The following MAPRE3 variants were observed in gnomAD, a reference collection of about 807,000 sequenced individuals.
MAPRE3 encodes microtubule associated protein RP/EB family member 3, also known as microtubule-associated protein RP/EB family member 3.
A neutral mutation model predicts 30.5 loss-of-function variants in MAPRE3; 2 were observed. The ratio of observed to expected loss-of-function variants is 0.07; its 90% confidence interval spans 0.03 to 0.21. The LOEUF is 0.21. Ranked by LOEUF, MAPRE3 falls within the 10% of genes least tolerant of loss-of-function variation. MAPRE3 has a pLI of 1.00. For synonymous variants in MAPRE3, 110 were observed against 127.7 expected (o/e 0.86, Z 0.93); for missense variants, 204 against 351.8 (o/e 0.58, Z 3.36).
Position 27,026,476 on chromosome 2 carries a change from C to A in MAPRE3, c.*128C>A. Reference sequence around the variant, plus strand: ...GTGTCAGTGCTGCAGCACTGGGGAGCCAGGCGAGGGGGGCTTGGGGGCATG... The same window carrying A: ...GTGTCAGTGCTGCAGCACTGGGGAGACAGGCGAGGGGGGCTTGGGGGCATG... On this transcript the variant is annotated 3_prime_UTR_variant, in exon 7 of 7. Coordinates refer to ENST00000233121, the MANE Select transcript of MAPRE3 (RefSeq NM_012326.4). The A allele has an allele frequency of 3.8e-6, 3 of 787,956 alleles. No individual in the cohort carries two copies. Among genetic ancestry groups the A allele is most frequent in the South Asian group, 3.7e-5 (2 of 53,490 alleles). 48.8% of individuals were successfully genotyped at this position (787,956 alleles called of 1,614,324 possible).
At chr2:27,018,392 G>C (rs984927273) in intron 1 of MAPRE3, among the ~76,000 whole-genome samples, 5 of 152,118 alleles carry the variant, frequency 3.3e-5, no homozygotes, top group African/African-American at 9.7e-5. Flanking sequence ...ACCCTCCCTG[G>C]GGACCTGGCA....
chr2:27,010,922 G>A (rs144011497), intron 1 of MAPRE3, among the ~76,000 whole-genome samples: 30 of 152,228 alleles, frequency 2.0e-4, no homozygotes, highest in East Asian at 3.9e-4. Context: ...ACAATCATCT[G>A]CAGGTCTAGC....
chr2:27,022,804 A>C (rs1352808924), intron 2 of MAPRE3: 1 of 166,600 alleles, frequency 6.0e-6, no homozygotes, highest in African/African-American at 2.4e-5. Flanking sequence ...TAAGGAGGAG[A>C]GCTGGAGGCC....
chr2:26,999,911 A>G (rs556092160), intron 1 of MAPRE3, among the ~76,000 whole-genome samples: 1 of 152,222 alleles, frequency 6.6e-6, no homozygotes, highest in Non-Finnish European at 1.5e-5. Context: ...TAGTTCTAAT[A>G]TTTTACCATA....
At chr2:27,023,735 C>T in intron 3 of MAPRE3, 3 of 526,776 alleles carry the variant, frequency 5.7e-6, no homozygotes, top group Non-Finnish European at 1.0e-5. Flanking sequence ...GAGCTCTGTG[C>T]ACCGCTCCTG....
intron 1 of MAPRE3, among the ~76,000 whole-genome samples, chr2:26,978,462 A>G (rs1400328974): frequency 6.7e-6 from 1 of 150,190 alleles, no homozygotes; most frequent in Non-Finnish European, 1.5e-5. Flanking sequence ...CCTGAAGGTT[A>G]TTGACACTTA....
At chr2:27,003,648 A>G (rs1392229026) in intron 1 of MAPRE3, among the ~76,000 whole-genome samples, 1 of 152,202 alleles carries the variant, frequency 6.6e-6, no homozygotes, top group Non-Finnish European at 1.5e-5. Flanking sequence ...CTGACCAGTC[A>G]CTACTGTCAA....
In MAPRE3 at chr2:27,026,740, T is replaced by G; in HGVS notation, c.*392T>G. The G allele has an allele frequency of 5.8e-6, 1 of 173,618 alleles. No homozygotes were observed. 10.8% of individuals were successfully genotyped at this position (173,618 alleles called of 1,614,324 possible). ...ATTCTCCTTGCACTTTACCTGTTCT[T>G]TTCCAGAGCTGACAGCACGGGCTCC... On this transcript the variant is annotated 3_prime_UTR_variant, in exon 7 of 7. Coordinates refer to ENST00000233121, the MANE Select transcript of MAPRE3 (RefSeq NM_012326.4).
rs1229042712 is a variant in MAPRE3, at chr2:27,026,759, G to A, written c.*411G>A. 5 of 164,370 alleles carry A rather than the reference G, an allele frequency of 3.0e-5. No individual in the cohort carries two copies. Among genetic ancestry groups the A allele is most frequent in the Admixed American group, 6.4e-5 (1 of 15,538 alleles). The allele number at this position is 164,370 out of a possible 1,614,324, so 10.2% of individuals were successfully genotyped here. On this transcript the variant is annotated 3_prime_UTR_variant, in exon 7 of 7. Transcript: ENST00000233121. ...TGTTCTTTTCCAGAGCTGACAGCACGGGCTCCGGCGCAGTGTGCCTGGCTT... is the reference window on the plus strand; with the variant it reads ...TGTTCTTTTCCAGAGCTGACAGCACAGGCTCCGGCGCAGTGTGCCTGGCTT...
chr2:27,011,069 C>T (rs1266490469), intron 1 of MAPRE3, among the ~76,000 whole-genome samples: 1 of 152,186 alleles, frequency 6.6e-6, no homozygotes, highest in Non-Finnish European at 1.5e-5. Context: ...AGTGGGCCCT[C>T]CCTTGGCTCC....
At chr2:26,992,885 T>C (rs796641364) in intron 1 of MAPRE3, among the ~76,000 whole-genome samples, 16 of 152,340 alleles carry the variant, frequency 1.1e-4, no homozygotes, top group African/African-American at 3.8e-4. Flanking sequence ...GTATAATGTG[T>C]TGCTTCTCTC....
chr2:26,998,631 C>T (rs1666518575), intron 1 of MAPRE3, among the ~76,000 whole-genome samples: 1 of 152,162 alleles, frequency 6.6e-6, no homozygotes, highest in Admixed American at 6.5e-5. Flanking sequence ...AATCCCAGCC[C>T]TGGGGAAGCT....
At chr2:26,999,118 G>A (rs1363793052) in intron 1 of MAPRE3, among the ~76,000 whole-genome samples, 2 of 152,172 alleles carry the variant, frequency 1.3e-5, no homozygotes, top group Admixed American at 1.3e-4. Flanking sequence ...GGGGCTTGGG[G>A]TTGGAGACAT....
Position 27,024,244 on chromosome 2 carries a change from C to T in MAPRE3, c.416C>T (p.Pro139Leu). The change falls in exon 4 of 7, where the codon CCT becomes CTT. Residue 139 changes from proline (P) to leucine (L), a missense_variant. Physicochemically the swap from Pro to Leu is moderately conservative, Grantham distance 98. This residue lies in a region of MAPRE3 where 101 missense variants were observed against 205.4 expected (regional missense o/e 0.49). Coordinates refer to ENST00000233121, the MANE Select transcript of MAPRE3 (RefSeq NM_012326.4). ...CAGGGCCAGGACGTAGCGCCACCTC[C>T]TAACCCAGGTGATCAGATCTTCAAC... The part of the protein sequence containing the change: ...ARQGQDVAPP[P>L]NPGDQIFNKS... 6.2e-7 allele frequency: 1 copy of T among 1,614,212 alleles called. No individual in the cohort carries two copies. Among genetic ancestry groups the T allele is most frequent in the Non-Finnish European group, 8.5e-7 (1 of 1,180,006 alleles).
chr2:26,982,878 T>C (rs1174732421), intron 1 of MAPRE3, among the ~76,000 whole-genome samples: 1 of 152,184 alleles, frequency 6.6e-6, no homozygotes, highest in East Asian at 1.9e-4. Context: ...AGTGAGTATA[T>C]AGTGACCATA....
chr2:27,026,188 C>T (rs1359785879), intron 6 of MAPRE3, 92 bp from the exon 7 acceptor site: 1 of 1,401,964 alleles, frequency 7.1e-7, no homozygotes, highest in Non-Finnish European at 9.9e-7. Context: ...CTCCTGGACT[C>T]CTGACCCCTT....
chr2:26,977,305 T>C (rs1666032296), intron 1 of MAPRE3, among the ~76,000 whole-genome samples: 1 of 152,212 alleles, frequency 6.6e-6, no homozygotes. Flanking sequence ...TTCCATGTAG[T>C]AGAGCAATCT....
In MAPRE3 at chr2:27,026,337, G is replaced by A; in HGVS notation, c.835G>A (p.Asp279Asn). ...TGAAGAGCATCAACAAGAAGACCAG[G>A]ACGAGTACTGAGGGCGGCCGCAGCC... Reference protein sequence around the residue: ...EIEEHQQEDQDEY With the variant: ...EIEEHQQEDQNEY Residue 279 changes from aspartate to asparagine, a missense_variant, in exon 7 of 7, where the codon GAC becomes AAC. By Grantham distance (23) the Asp-to-Asn change is conservative. Around this residue, in one of 5 missense-constraint regions of MAPRE3, gnomAD observed 26 missense variants for 25.6 expected, o/e 1.02. Transcript: ENST00000233121. The A allele has an allele frequency of 6.2e-7, 1 of 1,613,926 alleles. No individual in the cohort carries two copies. Among genetic ancestry groups the A allele is most frequent in the Non-Finnish European group, 8.5e-7 (1 of 1,179,894 alleles).
At chr2:26,997,527 A>C (rs1430433392) in intron 1 of MAPRE3, among the ~76,000 whole-genome samples, 1 of 152,096 alleles carries the variant, frequency 6.6e-6, no homozygotes, top group Non-Finnish European at 1.5e-5. Context: ...CACAGTTCAC[A>C]ATAGGGTTTG....
Sources: gnomAD v4.1 joint callset for allele counts (sites outside exome capture counted in the v4.1 genomes callset) on GRCh38, gnomAD v4.1.1 for gene constraint, gnomAD v4.1.1 regional missense constraint, MANE v1.5 for transcripts, NCBI Gene and HGNC (gene_info 2026-07-23, HGNC 2026-07-21) for gene names.